SLC9A7: variants seen among roughly 807,000 people sequenced by gnomAD.
The protein encoded by SLC9A7 is sodium/hydrogen exchanger 7.
A neutral mutation model predicts 52.6 loss-of-function variants in SLC9A7; 19 were observed. The ratio of observed to expected loss-of-function variants is 0.36; its 90% CI spans 0.25 to 0.53. The LOEUF (loss-of-function observed/expected upper bound fraction) is 0.53, where lower values mean the gene tolerates loss of function less well. Ranked by LOEUF, SLC9A7 falls within the 20% of genes least tolerant of loss-of-function variation. The pLI, the probability that SLC9A7 is intolerant of heterozygous loss-of-function variation, is 0.91. For synonymous variants in SLC9A7, 226 were observed against 252.1 expected (o/e 0.90, Z 0.98); for missense variants, 455 against 597.9 (o/e 0.76, Z 2.49).
intron 13 of SLC9A7, among the ~76,000 whole-genome samples, chrX:46,633,358 A>ACAAAAAAC (rs1569505088): frequency 1.6e-4 from 15 of 91,756 alleles, no homozygotes; most frequent in Admixed American, 3.7e-4. Flanking sequence ...AAAAAAAAAA[A>ACAAAAAAC]AAAAAAAAAA....
At chrX:46,665,182 A>G (rs1319652204) in intron 5 of SLC9A7, among the ~76,000 whole-genome samples, 2 of 110,936 alleles carry the variant, frequency 1.8e-5, no homozygotes, top group African/African-American at 3.3e-5. Flanking sequence ...CCTTGAAATC[A>G]GGGTGAGCAG....
At chrX:46,684,356 T>C (rs1250071927) in intron 1 of SLC9A7, among the ~76,000 whole-genome samples, 1 of 110,502 alleles carries the variant, frequency 9.0e-6, no homozygotes, top group Non-Finnish European at 1.9e-5. Context: ...AGGCATGCGC[T>C]ATCACACCCA....
chrX:46,724,113 G>A (rs745597944), intron 1 of SLC9A7, among the ~76,000 whole-genome samples: 8 of 111,313 alleles, frequency 7.2e-5, no homozygotes, highest in Non-Finnish European at 1.3e-4. Flanking sequence ...CAGCAGCAAC[G>A]ATGACATTTT....
intron 1 of SLC9A7, among the ~76,000 whole-genome samples, chrX:46,726,129 T>C (rs1359589591): frequency 3.1e-4 from 34 of 111,021 alleles, no homozygotes. Flanking sequence ...GGCTCACTCC[T>C]GCAATCCTAA....
intron 1 of SLC9A7, among the ~76,000 whole-genome samples, chrX:46,727,373 T>C (rs771175737): frequency 6.7e-4 from 75 of 112,174 alleles, no homozygotes; most frequent in Non-Finnish European, 1.3e-3. Context: ...CAGCAAAACC[T>C]TAACTGCATT....
Position 46,602,631 on chromosome X carries a change from C to T in SLC9A7, c.*4321G>A, listed in dbSNP as rs1263949661. 2.7e-5 allele frequency: 3 copies of T among 112,644 alleles called. No homozygotes were observed. The highest frequency in any genetic ancestry group is 2.8e-4 in the East Asian group (1 of 3,620). The allele number at this position is 112,644 out of a possible 1,213,427, so 9.3% of individuals were successfully genotyped here. A position where few individuals can be genotyped will look rare whatever the true frequency, so the allele number is the denominator to read the frequency against. ...GTTGAGAACCTCTGCTCTAGAACAT[C>T]GGACTCGGCTGAACTGTCGTCCCCA... is the stretch of plus-strand genomic sequence containing the variant. On this transcript the variant is annotated 3_prime_UTR_variant, in exon 17 of 17. Transcript: ENST00000616978.
chrX:46,628,535 CAT>C (rs1455416192), intron 14 of SLC9A7, among the ~76,000 whole-genome samples: 1 of 112,559 alleles, frequency 8.9e-6, no homozygotes, highest in Non-Finnish European at 1.9e-5. Flanking sequence ...CCTTTTCCCA[CAT>C]GAGCTAATAT....
chrX:46,726,976 C>T (rs1944955475), intron 1 of SLC9A7, among the ~76,000 whole-genome samples: 1 of 111,918 alleles, frequency 8.9e-6, no homozygotes, highest in Non-Finnish European at 1.9e-5. Flanking sequence ...ATGTGACAAC[C>T]AAGGCAGGCG....
intron 1 of SLC9A7, among the ~76,000 whole-genome samples, chrX:46,709,207 C>T (rs747043449): frequency 9.1e-5 from 10 of 110,224 alleles, no homozygotes; most frequent in East Asian, 8.5e-4. Context: ...AGTTCGAGAC[C>T]GGCGTGGGCA....
chrX:46,643,395 G>A lies in SLC9A7; in HGVS notation c.1463-6C>T, dbSNP rs766944530. The A allele has an allele frequency of 3.3e-6, 4 of 1,200,552 alleles. No homozygotes were observed. The highest frequency in any genetic ancestry group is 3.4e-6 in the Non-Finnish European group (3 of 887,087). On this transcript the variant is annotated splice_polypyrimidine_tract_variant and splice_region_variant and intron_variant, in intron 11 of 16. Transcript: ENST00000616978. ...TGCCATTGCTCCCCTGAGGCCTGCG[G>A]GGACCAAAGAAGAAGATCTACTTAT... is the stretch of plus-strand genomic sequence containing the variant.
At position 46,600,719 on chromosome X, in the gene SLC9A7, T is replaced by C. The variant is rs1017302669; in HGVS notation, c.*6233A>G. 2.7e-5 allele frequency: 3 copies of C among 112,362 alleles called. No individual in the cohort carries two copies. Among genetic ancestry groups the C allele is most frequent in the Admixed American group, 9.5e-5 (1 of 10,549 alleles). The allele number at this position is 112,362 out of a possible 1,213,427, so 9.3% of individuals were successfully genotyped here. A position where few individuals can be genotyped will look rare whatever the true frequency, so the allele number is the denominator to read the frequency against. ...ATCTCTAGGTCTTGTTTTGAAAGGATTGTTGATGAGTCTACTTGCTTTTCC... is the reference window on the plus strand; with the variant it reads ...ATCTCTAGGTCTTGTTTTGAAAGGACTGTTGATGAGTCTACTTGCTTTTCC... On this transcript the variant is annotated 3_prime_UTR_variant, in exon 17 of 17. Coordinates refer to ENST00000616978, the MANE Select transcript of SLC9A7 (RefSeq NM_001257291.2).
chrX:46,724,762 A>G (rs1944916770), intron 1 of SLC9A7, among the ~76,000 whole-genome samples: 1 of 111,735 alleles, frequency 8.9e-6, no homozygotes, highest in African/African-American at 3.3e-5. Flanking sequence ...GAAACATAAT[A>G]TGAACAGCCC....
chrX:46,699,103 C>T (rs1285774781), intron 1 of SLC9A7, among the ~76,000 whole-genome samples: 1 of 111,903 alleles, frequency 8.9e-6, no homozygotes, highest in Admixed American at 9.5e-5. Context: ...GCTGAAATTC[C>T]AAAGATTTAA....
chrX:46,729,296 A>G (rs1734277482), intron 1 of SLC9A7, among the ~76,000 whole-genome samples: 1 of 112,673 alleles, frequency 8.9e-6, no homozygotes, highest in South Asian at 3.6e-4. Context: ...TAACAATACA[A>G]GATACAATAA....
chrX:46,720,537 G>A (rs562188068), intron 1 of SLC9A7, among the ~76,000 whole-genome samples: 2 of 109,714 alleles, frequency 1.8e-5, no homozygotes, highest in South Asian at 7.9e-4. Context: ...GTCACGCCAT[G>A]ACCCTGCTTA....
At chrX:46,609,475 T>TG (rs1406609000) in intron 16 of SLC9A7, among the ~76,000 whole-genome samples, 1 of 110,767 alleles carries the variant, frequency 9.0e-6, no homozygotes, top group Admixed American at 9.5e-5. Flanking sequence ...CCAAGGAGGG[T>TG]GGATCACGAG....
intron 16 of SLC9A7, among the ~76,000 whole-genome samples, chrX:46,608,021 C>T (rs1049741266): frequency 8.9e-6 from 1 of 112,297 alleles, no homozygotes; most frequent in Non-Finnish European, 1.9e-5. Context: ...TGTTTCCCAC[C>T]GACCCTTCAA....
intron 1 of SLC9A7, among the ~76,000 whole-genome samples, chrX:46,687,231 CGGA>C (rs764631427): frequency 2.7e-5 from 3 of 111,598 alleles, no homozygotes; most frequent in Non-Finnish European, 5.6e-5. Flanking sequence ...GCCTTTGTTA[CGGA>C]GGAGAACAGG....
Position 46,606,392 on chromosome X carries a change from TAA to T in SLC9A7, c.*558_*559del. 4.0e-6 allele frequency: 3 copies of T among 755,730 alleles called. No individual in the cohort carries two copies. Among genetic ancestry groups the T allele is most frequent in the South Asian group, 6.7e-5 (1 of 14,941 alleles). The allele number at this position is 755,730 out of a possible 1,213,427, so 62.3% of individuals were successfully genotyped here. Reference sequence around the variant, plus strand: ...CAGTCTAGAAAAAACACAGGCAGCATAAAGTCAGGAATCCTGATATGAGGTTG... The same window carrying T: ...CAGTCTAGAAAAAACACAGGCAGCATAGTCAGGAATCCTGATATGAGGTTG... On this transcript the variant is annotated 3_prime_UTR_variant, in exon 17 of 17. Coordinates refer to ENST00000616978, the MANE Select transcript of SLC9A7 (RefSeq NM_001257291.2).
Sources: allele counts gnomAD v4.1 joint callset (sites outside exome capture counted in the v4.1 genomes callset), GRCh38; gene constraint gnomAD v4.1.1; transcripts MANE v1.5; gene names NCBI Gene and HGNC (gene_info 2026-07-23, HGNC 2026-07-21).